Variants in ESR1 observed in about 807,000 individuals in gnomAD.
ESR1 encodes the protein estrogen receptor 1.
ESR1 carries 12 observed loss-of-function variants against 52.7 expected under a neutral mutation model. The ratio of observed to expected loss-of-function variants is 0.23; its 90% CI spans 0.15 to 0.37. The LOEUF is 0.37. ESR1 is among the 10% of genes least tolerant of loss of function. The pLI is 1.00. For missense variants in ESR1, 584 were observed against 779.7 expected (o/e 0.75, Z 2.99); for synonymous variants, 305 against 316.8 (o/e 0.96, Z 0.39).
rs2050761743 is a variant in ESR1, at chr6:152,098,011, G to A, written c.1554-721G>A. On this transcript the variant is annotated intron_variant, in intron 7 of 7. Transcript: ENST00000206249. This position sits in a 1 kb window ranked among gnomAD's most constrained non-coding sequence, Gnocchi z 5.1. ...GGCTGCTGCCACTGGGTAGCGGTAG[G>A]CCTTTCCGAGGAGGCGGCATTTGAA... Among the ~76,000 whole-genome samples, 1 of 152,228 alleles carries A rather than the reference G, an allele frequency of 6.6e-6. No individual in the cohort carries two copies. The highest frequency in any genetic ancestry group is 6.5e-5 in the Admixed American group (1 of 15,284).
intron 3 of ESR1, among the ~76,000 whole-genome samples, chr6:151,913,876 T>C (rs555573680): frequency 3.8e-4 from 58 of 152,180 alleles, no homozygotes; most frequent in Non-Finnish European, 7.9e-4. Context: ...TTCCTTTTTG[T>C]GATAATCTTA....
At chr6:152,010,602 A>T (rs2042684671) in intron 4 of ESR1, among the ~76,000 whole-genome samples, 1 of 152,062 alleles carries the variant, frequency 6.6e-6, no homozygotes. Context: ...GCGTATCTTA[A>T]TGTGTGTGGT....
chr6:152,069,993 G>A (rs890423061), intron 6 of ESR1, among the ~76,000 whole-genome samples: 2 of 137,520 alleles, frequency 1.5e-5, no homozygotes, highest in Non-Finnish European at 3.0e-5. Context: ...AGGATTAGCT[G>A]GAGTCAGAAG....
At chr6:151,937,848 G>A (rs2128503577) in intron 3 of ESR1, among the ~76,000 whole-genome samples, 1 of 152,264 alleles carries the variant, frequency 6.6e-6, no homozygotes, top group East Asian at 1.9e-4. Context: ...GCTGCCCGTG[G>A]TATGACCTTG....
chr6:152,013,247 C>A (rs1311954040), intron 5 of ESR1, among the ~76,000 whole-genome samples: 2 of 151,472 alleles, frequency 1.3e-5, no homozygotes, highest in Non-Finnish European at 2.9e-5. Context: ...CTCTTTCTTT[C>A]TTTCTCCTGT....
intron 2 of ESR1, among the ~76,000 whole-genome samples, chr6:151,731,369 A>G (rs1337276739): frequency 2.0e-5 from 3 of 151,852 alleles, no homozygotes; most frequent in Admixed American, 6.6e-5. Flanking sequence ...AGAAAAAAAA[A>G]AAAGAAATGT....
intron 3 of ESR1, among the ~76,000 whole-genome samples, chr6:151,930,231 G>A (rs977684512): frequency 6.6e-6 from 1 of 151,912 alleles, no homozygotes; most frequent in Non-Finnish European, 1.5e-5. Context: ...GTGATCCACC[G>A]GCCTCTGCCT....
chr6:152,034,009 GAAACC>G (rs1034755457), intron 5 of ESR1, among the ~76,000 whole-genome samples: 4 of 152,132 alleles, frequency 2.6e-5, no homozygotes, highest in African/African-American at 9.7e-5. Context: ...GATGAAACTG[GAAACC>G]ATCATTGTGA....
chr6:151,829,110 C>G (rs1440542888), intron 1 of ESR1, among the ~76,000 whole-genome samples: 1 of 152,194 alleles, frequency 6.6e-6, no homozygotes, highest in Non-Finnish European at 1.5e-5. Context: ...GAAAAAGAAC[C>G]TCTCTTAATT....
chr6:151,972,017 A>G (rs564858011), intron 4 of ESR1, among the ~76,000 whole-genome samples: 1 of 152,176 alleles, frequency 6.6e-6, no homozygotes, highest in Non-Finnish European at 1.5e-5. Flanking sequence ...GGAAGCTACT[A>G]TGAACATCTT....
intron 4 of ESR1, among the ~76,000 whole-genome samples, chr6:151,984,966 T>C (rs1262740721): frequency 6.6e-6 from 1 of 152,140 alleles, no homozygotes; most frequent in African/African-American, 2.4e-5. Context: ...TTAATCACAT[T>C]CATCCTTAAT....
chr6:151,808,857 C>G (rs888479071), intron 1 of ESR1, among the ~76,000 whole-genome samples: 2 of 152,134 alleles, frequency 1.3e-5, no homozygotes, highest in African/African-American at 4.8e-5. Flanking sequence ...TTCCTTTCAT[C>G]TAGACTATTT....
At chr6:151,986,552 C>T (rs371623194) in intron 4 of ESR1, among the ~76,000 whole-genome samples, 2 of 152,064 alleles carry the variant, frequency 1.3e-5, no homozygotes, top group African/African-American at 2.4e-5. Flanking sequence ...GAACAAAATG[C>T]ACATTTTGTG....
chr6:151,752,639 A>G (rs992100589), intron 2 of ESR1, among the ~76,000 whole-genome samples: 3 of 152,208 alleles, frequency 2.0e-5, no homozygotes, highest in Non-Finnish European at 4.4e-5. Context: ...CAAATTCACC[A>G]CAATGGAAAG....
At chr6:151,725,637 T>G (rs1781782363) in intron 2 of ESR1, among the ~76,000 whole-genome samples, 1 of 152,178 alleles carries the variant, frequency 6.6e-6, no homozygotes, top group Non-Finnish European at 1.5e-5. Flanking sequence ...TGAGCCAAAG[T>G]GTCATCTAAT....
At chr6:152,079,904 C>T (rs1467433309) in intron 6 of ESR1, among the ~76,000 whole-genome samples, 1 of 151,856 alleles carries the variant, frequency 6.6e-6, no homozygotes, top group African/African-American at 2.4e-5. Flanking sequence ...GATTGAAGAT[C>T]AAATTAATGA....
chr6:151,696,881 C>T lies in ESR1; in HGVS notation c.-201-4994C>T, dbSNP rs74873694. Reference sequence around the variant, plus strand: ...GTTAGGGATAGCTTTGGGTAGGAAGCGACTCTTGACCATGACCTTAAAGGA... The same window carrying T: ...GTTAGGGATAGCTTTGGGTAGGAAGTGACTCTTGACCATGACCTTAAAGGA... On this transcript the variant is annotated intron_variant, in intron 1 of 2. Coordinates refer to the ESR1 transcript ENST00000404742. Among the ~76,000 whole-genome samples the T allele has an allele frequency of 2.6e-5, 4 of 152,168 alleles. No homozygotes were observed. In the East Asian group the frequency reaches 7.7e-4, roughly 29 times the overall value.
intron 4 of ESR1, among the ~76,000 whole-genome samples, chr6:152,001,149 G>T (rs947283565): frequency 6.6e-6 from 1 of 151,938 alleles, no homozygotes; most frequent in African/African-American, 2.4e-5. Context: ...GGGTGGCCTG[G>T]TGTCTTAGTC....
intron 1 of ESR1, among the ~76,000 whole-genome samples, chr6:151,672,233 A>G (rs1310673850): frequency 6.6e-6 from 1 of 152,194 alleles, no homozygotes; most frequent in Non-Finnish European, 1.5e-5. Flanking sequence ...GTGTATCAAA[A>G]TGCCACATTG....
Sources: allele counts gnomAD v4.1 joint callset (sites outside exome capture counted in the v4.1 genomes callset), GRCh38; gene constraint gnomAD v4.1.1; non-coding constraint Gnocchi (gnomAD v3.1); transcripts MANE v1.5; gene names NCBI Gene and HGNC (gene_info 2026-07-23, HGNC 2026-07-21).